The following CD163L1 variants were observed in gnomAD, a reference collection of about 807,000 sequenced individuals.
CD163L1 encodes the protein CD163 molecule like 1.
A neutral mutation model predicts 165.4 loss-of-function variants in CD163L1; 124 were observed. That is an observed-to-expected ratio of 0.75 (90% confidence interval 0.65 to 0.87). CD163L1 has a LOEUF of 0.87. Ranked by LOEUF, CD163L1 falls within the 40% of genes least tolerant of loss-of-function variation. The pLI, the probability that CD163L1 is intolerant of heterozygous loss-of-function variation, is 0.00. For synonymous variants in CD163L1, 585 were observed against 662.2 expected (o/e 0.88, Z 1.79); for missense variants, 1,525 against 1,799.9 (o/e 0.85, Z 2.76).
chr12:7,441,104 G>T (rs374371716), intron 2 of CD163L1, 50 bp downstream of exon 2: 2 of 1,299,500 alleles, frequency 1.5e-6, no homozygotes, highest in African/African-American at 2.9e-5. Context: ...GTAGGGGAAA[G>T]GTAGAATAGA....
At position 7,433,458 on chromosome 12, in the gene CD163L1, C is replaced by T. The variant is rs1031653729; in HGVS notation, c.361G>A (p.Glu121Lys). The change falls in exon 3 of 20, where the codon GAG becomes AAG. Residue 121 changes from glutamate (E) to lysine (K), a missense_variant. Glu to Lys is a moderately conservative substitution (Grantham distance 56). Transcript: ENST00000313599. ...WLDDVSCYGN[E>K]SALWECQHRE... is the part of the protein sequence containing the mutation. ...TGTTGACATTCCCAGAGAGCTGACT[C>T]ATTTCCATAACAGGAAACATCATCA... 3.1e-6 allele frequency: 5 copies of T among 1,613,882 alleles called. No individual in the cohort carries two copies. The highest frequency in any genetic ancestry group is 4.2e-6 in the Non-Finnish European group (5 of 1,179,932).
At chr12:7,322,600 T>TCAACTGAG in the CD163L1 span, 5 of 1,543,728 alleles carry the variant, frequency 3.2e-6, no homozygotes, top group Non-Finnish European at 4.4e-6. Flanking sequence ...CCCAGGTTTT[T>TCAACTGAG]CAACTGAGCC....
At chr12:7,440,060 C>G (rs1403942059) in intron 2 of CD163L1, 1 of 1,114,824 alleles carries the variant, frequency 9.0e-7, no homozygotes, top group African/African-American at 1.5e-5. Context: ...GCGTTCCGCG[C>G]TCCGCCCTAC....
chr12:7,359,278 C>T (rs1946843137), intron 18 of CD163L1, among the ~76,000 whole-genome samples: 1 of 151,594 alleles, frequency 6.6e-6, no homozygotes, highest in Non-Finnish European at 1.5e-5. Context: ...GCCAAAAAAA[C>T]AAAACAAACA....
chr12:7,413,277 A>C lies in CD163L1; in HGVS notation c.767-6425T>G, dbSNP rs1300014652. On this transcript the variant is annotated intron_variant, in intron 4 of 19. Coordinates refer to ENST00000313599, the MANE Select transcript of CD163L1 (RefSeq NM_174941.6). ...ATTTCTCCCATGGGAGAAGGTGGAA[A>C]TGAAGTGAGTGCCTGGCTTTCCTAG... Among the ~76,000 whole-genome samples, 4 of 152,182 alleles carry C rather than the reference A, an allele frequency of 2.6e-5. No homozygotes were observed. The East Asian group carries it at 7.7e-4, about 29-fold the overall frequency.
rs746941727 is a variant in CD163L1 at position 7,378,939 on chromosome 12, ATAAT to A, written c.2371+35_2371+38del. Reference sequence around the variant, plus strand: ...ACGTATTAAATAAGTGCAAAAATAAATAATTAAATAAATGTGTTTATCTTTGTCC... The same window carrying A: ...ACGTATTAAATAAGTGCAAAAATAAATAAATAAATGTGTTTATCTTTGTCC... On this transcript the variant is annotated intron_variant, in intron 9 of 19. Transcript: ENST00000313599. 552 of 1,546,242 alleles carry A rather than the reference ATAAT, an allele frequency of 3.6e-4. 14 individuals are homozygous for A. The South Asian group carries it at 6.2e-3, about 17-fold the overall frequency.
chr12:7,332,004 G>A, the CD163L1 span, among the ~76,000 whole-genome samples: 229 of 152,160 alleles, frequency 1.5e-3, 2 homozygotes, highest in African/African-American at 5.3e-3. Context: ...GAGGAAGTTC[G>A]AACCAATGGC....
Position 7,369,559 on chromosome 12 carries a change from C to T in CD163L1, c.3837G>A (p.Glu1279=). 1 of 1,614,204 alleles carries T rather than the reference C, an allele frequency of 6.2e-7. No homozygotes were observed. Among genetic ancestry groups the T allele is most frequent in the Non-Finnish European group, 8.5e-7 (1 of 1,180,032 alleles). Residue 1279 remains glutamate, a synonymous_variant, in exon 15 of 20, where the codon GAG becomes GAA. Transcript: ENST00000313599. This position sits in a 1 kb window ranked among gnomAD's most constrained non-coding sequence, Gnocchi z 4.9. ...CCAGCTGCTGACACACCACTTCCGC[C>T]TCGGCCAGGTCCCAGGAGTCATCAC... is the stretch of plus-strand genomic sequence containing the variant. ...TVCDDSWDLA[E]AEVVCQQLGC...
chr12:7,389,523 T>A (rs1473679473), intron 8 of CD163L1, among the ~76,000 whole-genome samples: 1 of 151,664 alleles, frequency 6.6e-6, no homozygotes, highest in Admixed American at 6.6e-5. Context: ...GGAAGGGTAA[T>A]GGGGGGCTGG....
downstream of CD163L1, among the ~76,000 whole-genome samples, chr12:7,352,451 C>G (rs1946714013): frequency 2.0e-5 from 3 of 152,048 alleles, no homozygotes; most frequent in South Asian, 6.2e-4. Flanking sequence ...TCCACACAGC[C>G]CTGACTGACT....
intron 6 of CD163L1, among the ~76,000 whole-genome samples, chr12:7,402,955 G>A (rs1485015480): frequency 1.3e-5 from 2 of 151,856 alleles, no homozygotes; most frequent in Admixed American, 1.3e-4. Context: ...TATCTAACCT[G>A]TTTTTTCTGT....
intron 8 of CD163L1, among the ~76,000 whole-genome samples, chr12:7,388,464 T>C (rs1565788493): frequency 6.6e-6 from 1 of 152,094 alleles, no homozygotes; most frequent in African/African-American, 2.4e-5. Context: ...GTGGGCAGGC[T>C]GGACATGGTG....
chr12:7,374,633 A>T lies in CD163L1; in HGVS notation c.3218T>A (p.Val1073Glu). The change falls in exon 13 of 20, where the codon GTG becomes GAG. Residue 1073 changes from valine to glutamate, a missense_variant. Physicochemically the swap from Val to Glu is moderately radical, Grantham distance 121. Transcript: ENST00000313599. The surrounding 1 kb of genome is among the most constrained non-coding windows in gnomAD (Gnocchi z 5.4). ...DGWDLSDAHVVCQKLGCGVAF... is the reference protein window; with the variant it reads ...DGWDLSDAHVECQKLGCGVAF... ...CACTCCACAGCCCAGCTTTTGACAC[A>T]CCACGTGGGCATCGCTCAGGTCCCA... 1 of 1,614,144 alleles carries T rather than the reference A, an allele frequency of 6.2e-7. No individual in the cohort carries two copies.
intron 4 of CD163L1, among the ~76,000 whole-genome samples, chr12:7,409,889 C>A (rs946022493): frequency 1.3e-5 from 2 of 151,888 alleles, no homozygotes; most frequent in Non-Finnish European, 2.9e-5. Flanking sequence ...AATAAAAAAA[C>A]TATGGAGAAG....
the CD163L1 span, among the ~76,000 whole-genome samples, chr12:7,324,051 G>A: frequency 6.6e-6 from 1 of 151,916 alleles, no homozygotes; most frequent in African/African-American, 2.4e-5. Context: ...TGTGGCACAT[G>A]TCTGTGGTCC....
chr12:7,352,255 G>A (rs914520702), downstream of CD163L1, among the ~76,000 whole-genome samples: 1 of 152,108 alleles, frequency 6.6e-6, no homozygotes, highest in African/African-American at 2.4e-5. Flanking sequence ...GCAAAAAATA[G>A]TTTGAGAACT....
At chr12:7,344,930 C>T (rs1035815055), downstream of CD163L1, among the ~76,000 whole-genome samples, 1 of 152,176 alleles carries the variant, frequency 6.6e-6, no homozygotes, top group East Asian at 1.9e-4. Context: ...GGCAGTAGGC[C>T]CTGGGCCTGG....
intron 4 of CD163L1, among the ~76,000 whole-genome samples, chr12:7,430,411 AT>A (rs778388830): frequency 2.0e-5 from 3 of 152,222 alleles, no homozygotes; most frequent in Non-Finnish European, 2.9e-5. Context: ...ACATAAAAAA[AT>A]GATAGGAATT....
At chr12:7,327,059 G>GA in the CD163L1 span, 2 of 1,610,976 alleles carry the variant, frequency 1.2e-6, no homozygotes, top group South Asian at 1.1e-5. Flanking sequence ...AGGATCATGT[G>GA]AAAAAATCAA....
Sources: allele counts gnomAD v4.1 joint callset (sites outside exome capture counted in the v4.1 genomes callset), GRCh38; gene constraint gnomAD v4.1.1; non-coding constraint Gnocchi (gnomAD v3.1); transcripts MANE v1.5; gene names NCBI Gene and HGNC (gene_info 2026-07-23, HGNC 2026-07-21).